Variants in RIMS1 observed in about 807,000 individuals in gnomAD.
RIMS1 encodes regulating synaptic membrane exocytosis 1, also known as regulating synaptic membrane exocytosis protein 1.
Under a neutral mutation model 214.1 loss-of-function variants are expected in RIMS1, and 83 were observed. The observed-to-expected ratio is 0.39, with a 90% CI of 0.32 to 0.47. The LOEUF (loss-of-function observed/expected upper bound fraction) is 0.47. RIMS1 is among the 20% of genes least tolerant of loss of function. The pLI, the probability that RIMS1 is intolerant of heterozygous loss-of-function variation, is 0.99. For synonymous variants in RIMS1, 793 were observed against 786.8 expected (o/e 1.01, Z -0.13); for missense variants, 2,050 against 2,161.8 (o/e 0.95, Z 1.03).
chr6:72,379,088 T>C (rs2098442782), intron 29 of RIMS1, among the ~76,000 whole-genome samples: 1 of 152,248 alleles, frequency 6.6e-6, no homozygotes, highest in African/African-American at 2.4e-5. Flanking sequence ...GTATTCTTTA[T>C]TATTCCTAAA....
chr6:71,910,677 C>T (rs1582393469), intron 1 of RIMS1, among the ~76,000 whole-genome samples: 2 of 152,194 alleles, frequency 1.3e-5, no homozygotes, highest in South Asian at 4.2e-4. Context: ...TGTGGAGAAC[C>T]TTTGCATACG....
chr6:72,022,574 A>C (rs2151948080), intron 2 of RIMS1, among the ~76,000 whole-genome samples: 1 of 152,318 alleles, frequency 6.6e-6, no homozygotes, highest in East Asian at 1.9e-4. Flanking sequence ...TTAAGCATTA[A>C]ATAATTAGGC....
rs114013274 is a variant in RIMS1, at chr6:71,965,309, G to A, written c.165-3674G>A. Among the ~76,000 whole-genome samples the A allele has an allele frequency of 1.7e-3, 253 of 151,966 alleles. 2 individuals carry two copies. Among genetic ancestry groups the A allele is most frequent in the Middle Eastern group, 0.01 (3 of 294 alleles). On this transcript the variant is annotated intron_variant, in intron 1 of 33. Transcript: ENST00000521978. ...AAATAGTGGTGGTTTTTTTTTGGGA[G>A]GGAGGGTAGAAGGTAGTGATTGCAG...
intron 4 of RIMS1, among the ~76,000 whole-genome samples, chr6:72,140,462 A>G (rs2041950173): frequency 6.6e-6 from 1 of 152,110 alleles, no homozygotes; most frequent in Non-Finnish European, 1.5e-5. Context: ...CCCTGGTAGA[A>G]TTTACAAAGC....
intron 2 of RIMS1, among the ~76,000 whole-genome samples, chr6:72,003,527 T>C (rs1268944824): frequency 6.6e-6 from 1 of 152,078 alleles, no homozygotes; most frequent in African/African-American, 2.4e-5. Flanking sequence ...TTACTCAAGT[T>C]AACAGATTTA....
At chr6:72,083,964 G>GT (rs1482396263) in intron 2 of RIMS1, among the ~76,000 whole-genome samples, 1 of 152,092 alleles carries the variant, frequency 6.6e-6, no homozygotes, top group Admixed American at 6.6e-5. Flanking sequence ...AGTTGGGTTG[G>GT]TTTTTTTCCC....
At chr6:72,105,355 A>G (rs910198739) in intron 4 of RIMS1, among the ~76,000 whole-genome samples, 7 of 152,024 alleles carry the variant, frequency 4.6e-5, no homozygotes, top group Non-Finnish European at 1.0e-4. Flanking sequence ...TGCATTTTAC[A>G]TGGTAATTCA....
Position 72,048,326 on chromosome 6 carries a change from A to G in RIMS1, c.246-48623A>G, listed in dbSNP as rs1823643046. ...GTGTCTGAGTGCTTGCTTTCTTCCA[A>G]CGAAGTTCCTTTGCTGGGGCTTAGC... On this transcript the variant is annotated intron_variant, in intron 2 of 33. Coordinates refer to ENST00000521978, the MANE Select transcript of RIMS1 (RefSeq NM_014989.7). Among the ~76,000 whole-genome samples the G allele has an allele frequency of 3.3e-5, 5 of 152,106 alleles. No individual in the cohort carries two copies. In the South Asian group the frequency reaches 8.3e-4, roughly 25 times the overall value.
Position 72,179,769 on chromosome 6 carries a change from A to T in RIMS1, c.666A>T (p.Leu222=), listed in dbSNP as rs2249021. 19 of 1,613,570 alleles carry T rather than the reference A, an allele frequency of 1.2e-5. No homozygotes were observed. The highest frequency in any genetic ancestry group is 1.7e-5 in the Admixed American group (1 of 60,012). ...AGCGATCGCGGTCTCAGACACCCCT[A>T]AGCACAGCAGCTGCCTCCTCCCAGG... ...LQERSRSQTP[L]STAAASSQDA... Residue 222 remains leucine (L), a synonymous_variant, in exon 5 of 34, where the codon CTA becomes CTT. Transcript: ENST00000521978.
chr6:71,956,308 C>A (rs1442702006), intron 1 of RIMS1, among the ~76,000 whole-genome samples: 1 of 151,922 alleles, frequency 6.6e-6, no homozygotes, highest in African/African-American at 2.4e-5. Context: ...TTCCACAATT[C>A]TATTTTGCTT....
chr6:71,947,852 A>G (rs538389104), intron 1 of RIMS1, among the ~76,000 whole-genome samples: 3 of 152,132 alleles, frequency 2.0e-5, no homozygotes, highest in African/African-American at 4.8e-5. Context: ...ACATATACAT[A>G]CACATATATA....
At chr6:72,263,160 A>T (rs554049933) in intron 19 of RIMS1, 2 of 984,508 alleles carry the variant, frequency 2.0e-6, no homozygotes, top group Non-Finnish European at 2.4e-6. Flanking sequence ...AAACTTTGCA[A>T]CTGAAAGTGT....
intron 1 of RIMS1, among the ~76,000 whole-genome samples, chr6:71,963,543 T>A (rs148312265): frequency 0.013 from 2,006 of 152,258 alleles, 60 homozygotes; most frequent in African/African-American, 0.046. Context: ...AATGTCTTAT[T>A]TGATAAAATA....
chr6:72,349,400 G>C (rs1004218772), intron 29 of RIMS1, among the ~76,000 whole-genome samples: 38 of 151,990 alleles, frequency 2.5e-4, no homozygotes, highest in African/African-American at 8.7e-4. Flanking sequence ...AACTGAAAGA[G>C]ATTAAAACTT....
intron 6 of RIMS1, among the ~76,000 whole-genome samples, chr6:72,195,031 TCA>T (rs2050647299): frequency 9.7e-6 from 1 of 102,804 alleles, no homozygotes; most frequent in Admixed American, 8.9e-5. Context: ...TACTGAAGAT[TCA>T]TACTGAAGAT....
intron 1 of RIMS1, among the ~76,000 whole-genome samples, chr6:71,918,995 A>G (rs1025176615): frequency 1.3e-5 from 2 of 152,160 alleles, no homozygotes; most frequent in African/African-American, 4.8e-5. Flanking sequence ...GCAAAGATTA[A>G]AGCAAATCTT....
At chr6:72,013,119 A>T (rs1223220404) in intron 2 of RIMS1, among the ~76,000 whole-genome samples, 4 of 152,186 alleles carry the variant, frequency 2.6e-5, no homozygotes, top group African/African-American at 9.6e-5. Flanking sequence ...CACCATAACT[A>T]TATAAACCTA....
intron 1 of RIMS1, among the ~76,000 whole-genome samples, chr6:71,920,192 A>G (rs16881940): frequency 0.021 from 3,199 of 152,324 alleles, 114 homozygotes; most frequent in African/African-American, 0.072. Context: ...ATTCATTCAC[A>G]TTAGAAATTC....
intron 2 of RIMS1, among the ~76,000 whole-genome samples, chr6:71,993,492 A>G (rs1046516652): frequency 6.6e-6 from 1 of 152,156 alleles, no homozygotes; most frequent in East Asian, 1.9e-4. Flanking sequence ...TGTGATTGGC[A>G]TCTTAAATTG....
Sources: gnomAD v4.1 joint callset for allele counts (sites outside exome capture counted in the v4.1 genomes callset) on GRCh38, gnomAD v4.1.1 for gene constraint, MANE v1.5 for transcripts, NCBI Gene and HGNC (gene_info 2026-07-23, HGNC 2026-07-21) for gene names.